P2RY2: variants seen among roughly 807,000 people sequenced by gnomAD.
The protein encoded by P2RY2 is purinergic receptor P2Y2.
For missense variants in P2RY2, 567 were observed against 515.7 expected, an observed-to-expected ratio of 1.10 and a Z score of -0.96; for synonymous variants, 241 against 231.9, an observed-to-expected ratio of 1.04 and a Z score of -0.35.
intron 1 of P2RY2, among the ~76,000 whole-genome samples, chr11:73,225,817 C>T (rs1862260863): frequency 6.6e-6 from 1 of 152,174 alleles, no homozygotes; most frequent in Non-Finnish European, 1.5e-5. Flanking sequence ...TTTGTTGTGC[C>T]TGAGACAGGA....
At chr11:73,224,861 C>T (rs540267025) in intron 1 of P2RY2, among the ~76,000 whole-genome samples, 1 of 152,302 alleles carries the variant, frequency 6.6e-6, no homozygotes, top group Admixed American at 6.5e-5. Context: ...CTTACTATTT[C>T]ATAAAATAAG....
Position 73,236,866 on chromosome 11 carries a change from G to A in P2RY2, c.*1573G>A, listed in dbSNP as rs1467603969. 1.0e-6 allele frequency: 1 copy of A among 985,238 alleles called. No homozygotes were observed. The highest frequency in any genetic ancestry group is 6.1e-5 in the Admixed American group (1 of 16,264). 61.0% of individuals were successfully genotyped at this position (985,238 alleles called of 1,614,324 possible). On this transcript the variant is annotated 3_prime_UTR_variant, in exon 3 of 3. Transcript: ENST00000393597. ...CCAGGACCACTCTGGGCTGACGTGT[G>A]GCGCTCAGCTGGACAGGGCCCCGCC...
Position 73,235,109 on chromosome 11 carries a change from C to A in P2RY2, c.950C>A (p.Ala317Asp), listed in dbSNP as rs760650789. 3 of 1,606,104 alleles carry A rather than the reference C, an allele frequency of 1.9e-6. No individual in the cohort carries two copies. Among genetic ancestry groups the A allele is most frequent in the Admixed American group, 1.7e-5 (1 of 59,858 alleles). ...GCTGGGCAGAGGCTCGTACGCTTTG[C>A]CCGAGATGCCAAGCCACCCACTGGC... ...FLAGQRLVRF[A>D]RDAKPPTGPS... Residue 317 changes from alanine (A) to aspartate (D), a missense_variant, in exon 3 of 3, where the codon GCC becomes GAC. By Grantham distance (126) the Ala-to-Asp change is moderately radical. Transcript: ENST00000393597.
In P2RY2 at chr11:73,241,411, T is replaced by C. The variant is rs2013474; in HGVS notation, c.*6118T>C. On this transcript the variant is annotated 3_prime_UTR_variant, in exon 3 of 3. Transcript: ENST00000393597. ...AAATTCAGTTTCTTCATCTGGAAAA[T>C]TGAACTGGTAATACCAATACCTCTT... 0.16 allele frequency: 24,687 copies of C among 152,444 alleles called. 3,722 individuals carry two copies. Among genetic ancestry groups the C allele is most frequent in the African/African-American group, 0.41 (16,863 of 41,466 alleles). The allele number at this position is 152,444 out of a possible 1,614,324, so 9.4% of individuals were successfully genotyped here.
In P2RY2 at chr11:73,236,879, A is replaced by C. The variant is rs1258616650; in HGVS notation, c.*1586A>C. ...GGGCTGACGTGTGGCGCTCAGCTGG[A>C]CAGGGCCCCGCCCTAGCCTTTGGAA... On this transcript the variant is annotated 3_prime_UTR_variant, in exon 3 of 3. Coordinates refer to ENST00000393597, the MANE Select transcript of P2RY2 (RefSeq NM_002564.4). The C allele has an allele frequency of 1.0e-6, 1 of 984,990 alleles. No homozygotes were observed. The highest frequency in any genetic ancestry group is 1.7e-5 in the African/African-American group (1 of 57,160). 61.0% of individuals were successfully genotyped at this position (984,990 alleles called of 1,614,324 possible). A position where few individuals can be genotyped will look rare whatever the true frequency, so the allele number is the denominator to read the frequency against.
At chr11:73,231,577 A>T (rs986547627) in intron 2 of P2RY2, among the ~76,000 whole-genome samples, 5 of 151,642 alleles carry the variant, frequency 3.3e-5, no homozygotes, top group Non-Finnish European at 7.4e-5. Flanking sequence ...AAAAAAAAGA[A>T]AGAAAAAAAG....
intron 2 of P2RY2, among the ~76,000 whole-genome samples, chr11:73,230,729 T>C (rs79435896): frequency 0.023 from 3,437 of 149,850 alleles, 144 homozygotes; most frequent in African/African-American, 0.081. Flanking sequence ...GAGGGGAGAG[T>C]CTTGGGCACA....
intron 2 of P2RY2, among the ~76,000 whole-genome samples, chr11:73,231,403 A>G (rs1205459514): frequency 6.6e-6 from 1 of 151,312 alleles, no homozygotes; most frequent in East Asian, 1.9e-4. Context: ...AAAAAAAAAA[A>G]AAAAAAAGCT....
chr11:73,226,047 G>A (rs974731920), intron 1 of P2RY2, among the ~76,000 whole-genome samples: 9 of 152,220 alleles, frequency 5.9e-5, no homozygotes, highest in African/African-American at 1.9e-4. Flanking sequence ...AGGCACGGAG[G>A]CCAGTGAGGA....
chr11:73,221,676 C>T (rs1862119761), intron 1 of P2RY2, among the ~76,000 whole-genome samples: 1 of 152,190 alleles, frequency 6.6e-6, no homozygotes, highest in African/African-American at 2.4e-5. Context: ...ACCCTCTGGG[C>T]CACACCTCCT....
At chr11:73,221,605 C>T (rs1347908916) in intron 1 of P2RY2, among the ~76,000 whole-genome samples, 1 of 152,160 alleles carries the variant, frequency 6.6e-6, no homozygotes, top group African/African-American at 2.4e-5. Flanking sequence ...GGGGGTTGCC[C>T]CTCATGCCTT....
Position 73,234,595 on chromosome 11 carries a change from C to A in P2RY2, c.436C>A (p.Arg146=). 2 of 1,569,830 alleles carry A rather than the reference C, an allele frequency of 1.3e-6. No homozygotes were observed. The highest frequency in any genetic ancestry group is 1.3e-5 in the African/African-American group (1 of 74,124). ...LRPLRSLRWG[R]ARYARRVAGA... is the part of the protein sequence containing the mutation. ...ACCTCTGCGCTCCCTGCGCTGGGGCCGGGCCCGCTACGCTCGCCGGGTGGC... is the reference window on the plus strand; with the variant it reads ...ACCTCTGCGCTCCCTGCGCTGGGGCAGGGCCCGCTACGCTCGCCGGGTGGC... Residue 146 remains arginine (R), a synonymous_variant, in exon 3 of 3, where the codon CGG becomes AGG. Coordinates refer to ENST00000393597, the MANE Select transcript of P2RY2 (RefSeq NM_002564.4).
In P2RY2 at chr11:73,241,507, A is replaced by G. The variant is rs990514972; in HGVS notation, c.*6214A>G. ...CAACTGTTTGATTTTCCTCCCACCC[A>G]TGCTCCCTGCTCAGTGACGTGTGAT... is the stretch of plus-strand genomic sequence containing the variant. On this transcript the variant is annotated 3_prime_UTR_variant, in exon 3 of 3. Transcript: ENST00000393597. 2 of 152,392 alleles carry G rather than the reference A, an allele frequency of 1.3e-5. No homozygotes were observed. Among genetic ancestry groups the G allele is most frequent in the Non-Finnish European group, 2.9e-5 (2 of 68,136 alleles). 9.4% of individuals were successfully genotyped at this position (152,392 alleles called of 1,614,324 possible). A position where few individuals can be genotyped will look rare whatever the true frequency, so the allele number is the denominator to read the frequency against.
intron 1 of P2RY2, among the ~76,000 whole-genome samples, chr11:73,220,225 G>C (rs900516163): frequency 1.3e-5 from 2 of 152,188 alleles, no homozygotes; most frequent in African/African-American, 2.4e-5. Flanking sequence ...AGAACAGTGT[G>C]ATCTGGGACA....
rs745774369 is a variant in P2RY2 at position 73,235,254 on chromosome 11, G to A, written c.1095G>A (p.Thr365=). The stretch of plus-strand genomic sequence containing the variant: ...AGGACTCTAGGCGGACAGAGTCCAC[G>A]CCGGCTGGTAGCGAGAACACTAAGG... ...SSEDSRRTES[T]PAGSENTKDI... The change falls in exon 3 of 3, where the codon ACG becomes ACA. Residue 365 remains threonine, a synonymous_variant. Coordinates refer to ENST00000393597, the MANE Select transcript of P2RY2 (RefSeq NM_002564.4). 3.8e-5 allele frequency: 61 copies of A among 1,590,174 alleles called. No individual in the cohort carries two copies. The highest frequency in any genetic ancestry group is 5.4e-5 in the African/African-American group (4 of 74,196).
Position 73,238,676 on chromosome 11 carries a change from TA to T in P2RY2, c.*3384del, listed in dbSNP as rs1190197671. On this transcript the variant is annotated 3_prime_UTR_variant, in exon 3 of 3. Transcript: ENST00000393597. ...GGGAAGTAGATGCTATGATCCTATTTAGCAGATGAGGAAACAGGAGAAGGGC... is the reference window on the plus strand; with the variant it reads ...GGGAAGTAGATGCTATGATCCTATTTGCAGATGAGGAAACAGGAGAAGGGC... Among the ~76,000 whole-genome samples the T allele has an allele frequency of 6.6e-6, 1 of 152,198 alleles. No homozygotes were observed. The highest frequency in any genetic ancestry group is 1.5e-5 in the Non-Finnish European group (1 of 68,024).
At position 73,239,213 on chromosome 11, in the gene P2RY2, G is replaced by C. The variant is rs1241755194; in HGVS notation, c.*3920G>C. ...CCACATTGGGATACATGTTTTGAAGGAGAGGACAGTGTGTCTGGCCAGTGA... is the reference window on the plus strand; with the variant it reads ...CCACATTGGGATACATGTTTTGAAGCAGAGGACAGTGTGTCTGGCCAGTGA... On this transcript the variant is annotated 3_prime_UTR_variant, in exon 3 of 3. Coordinates refer to ENST00000393597, the MANE Select transcript of P2RY2 (RefSeq NM_002564.4). 6.6e-6 allele frequency: 1 copy of C among 152,302 alleles called. No individual in the cohort carries two copies. Among genetic ancestry groups the C allele is most frequent in the Non-Finnish European group, 1.5e-5 (1 of 68,086 alleles). 9.4% of individuals were successfully genotyped at this position (152,302 alleles called of 1,614,324 possible). A position where few individuals can be genotyped will look rare whatever the true frequency, so the allele number is the denominator to read the frequency against.
intron 1 of P2RY2, among the ~76,000 whole-genome samples, chr11:73,220,365 C>A (rs1862083106): frequency 6.6e-6 from 1 of 152,188 alleles, no homozygotes; most frequent in African/African-American, 2.4e-5. Context: ...TCTCTGGCTG[C>A]AGGATGGAGA....
intron 1 of P2RY2, 88 bp downstream of exon 1, chr11:73,218,520 G>A (rs1183246629): frequency 6.5e-6 from 1 of 152,916 alleles, no homozygotes. Flanking sequence ...GACTGGGCGC[G>A]GGGCAGGGGA....
Sources: allele counts gnomAD v4.1 joint callset (sites outside exome capture counted in the v4.1 genomes callset), GRCh38; gene constraint gnomAD v4.1.1; transcripts MANE v1.5; gene names NCBI Gene and HGNC (gene_info 2026-07-23, HGNC 2026-07-21).